The following DYM variants were observed in gnomAD, a reference collection of about 807,000 sequenced individuals.
The protein encoded by DYM is dyggve-Melchior-Clausen syndrome protein.
Under a neutral mutation model 93.1 loss-of-function variants are expected in DYM, and 78 were observed. The observed-to-expected ratio is 0.84, with a 90% CI of 0.70 to 1.01. The LOEUF (loss-of-function observed/expected upper bound fraction) is 1.01. DYM is among the 50% of genes least tolerant of loss of function. The pLI, the probability that DYM is intolerant of heterozygous loss-of-function variation, is 0.00. For synonymous variants in DYM, 321 were observed against 319.7 expected (o/e 1.00, Z -0.04); for missense variants, 789 against 845.0 (o/e 0.93, Z 0.82).
intron 15 of DYM, among the ~76,000 whole-genome samples, chr18:49,148,357 A>T (rs998513992): frequency 1.4e-5 from 2 of 142,236 alleles, no homozygotes; most frequent in South Asian, 2.2e-4. Context: ...AAAAAAGAAC[A>T]AAAAAAAAAA....
At chr18:49,446,964 C>G (rs2082142718) in intron 1 of DYM, among the ~76,000 whole-genome samples, 1 of 150,854 alleles carries the variant, frequency 6.6e-6, no homozygotes, top group Admixed American at 6.6e-5. Context: ...GAGGCTGAGA[C>G]AGGAGAATCA....
chr18:49,187,607 G>T lies in DYM; in HGVS notation c.1625+21944C>A, dbSNP rs185262479. On this transcript the variant is annotated intron_variant, in intron 14 of 17. Coordinates refer to ENST00000675505, the MANE Select transcript of DYM (RefSeq NM_001353214.3). ...CAAAGCTGAAATAGGACATCAGAAA[G>T]ATATTTTTAATGGGATGATAATATA... Among the ~76,000 whole-genome samples, 17 of 152,214 alleles carry T rather than the reference G, an allele frequency of 1.1e-4. 1 individual carries two copies. In the East Asian group the frequency reaches 2.3e-3, roughly 21 times the overall value.
At chr18:49,266,953 G>A (rs569893634) in intron 11 of DYM, among the ~76,000 whole-genome samples, 3 of 151,940 alleles carry the variant, frequency 2.0e-5, no homozygotes, top group East Asian at 1.9e-4. Context: ...CTTAAGAAAC[G>A]TTGGGGAAAA....
chr18:49,184,479 G>A (rs929997092), intron 14 of DYM, among the ~76,000 whole-genome samples: 2 of 152,142 alleles, frequency 1.3e-5, no homozygotes, highest in Non-Finnish European at 2.9e-5. Flanking sequence ...AGAGTTCAGA[G>A]ATACTGCAGC....
chr18:49,379,818 T>C (rs1209709859), intron 3 of DYM, 60 bp from the exon 4 acceptor site: 4 of 1,333,980 alleles, frequency 3.0e-6, no homozygotes, highest in African/African-American at 1.4e-5. Flanking sequence ...AAAGTGAGCT[T>C]ATCATAACAT....
intron 6 of DYM, among the ~76,000 whole-genome samples, chr18:49,360,784 C>A (rs2065952464): frequency 6.6e-6 from 1 of 152,162 alleles, no homozygotes. Flanking sequence ...GTGGCCTAAG[C>A]AAGATAGGTA....
intron 13 of DYM, among the ~76,000 whole-genome samples, chr18:49,216,184 C>T (rs1019166561): frequency 1.3e-5 from 2 of 152,194 alleles, no homozygotes; most frequent in African/African-American, 4.8e-5. Context: ...TGCAAGGTGG[C>T]AGCGAGGCTG....
intron 3 of DYM, among the ~76,000 whole-genome samples, chr18:49,389,748 T>C (rs2069010281): frequency 1.3e-5 from 2 of 152,256 alleles, no homozygotes; most frequent in South Asian, 4.1e-4. Flanking sequence ...AAGCTGGTCT[T>C]GAACTCTGAC....
At chr18:49,420,478 G>A (rs780220957) in intron 2 of DYM, among the ~76,000 whole-genome samples, 16 of 151,922 alleles carry the variant, frequency 1.1e-4, no homozygotes, top group Non-Finnish European at 2.2e-4. Flanking sequence ...TTAAACTAAG[G>A]TAAACTTCTA....
chr18:49,164,403 C>T (rs1248577043), intron 14 of DYM, among the ~76,000 whole-genome samples: 1 of 152,070 alleles, frequency 6.6e-6, no homozygotes, highest in Non-Finnish European at 1.5e-5. Context: ...GGATTATAAT[C>T]CCTAACAAAA....
chr18:49,070,649 T>G (rs2076811607), intron 17 of DYM, among the ~76,000 whole-genome samples: 1 of 152,218 alleles, frequency 6.6e-6, no homozygotes, highest in African/African-American at 2.4e-5. Flanking sequence ...TGAATGCTAC[T>G]TTAGAAACTG....
intron 17 of DYM, among the ~76,000 whole-genome samples, chr18:49,058,865 T>A (rs357900): frequency 0.71 from 108,438 of 151,948 alleles, 42,436 homozygotes; most frequent in Non-Finnish European, 0.88. Context: ...CCTTTTTTTT[T>A]AAATCAAAAT....
At chr18:49,326,319 G>T (rs1455952354) in intron 8 of DYM, among the ~76,000 whole-genome samples, 1 of 151,924 alleles carries the variant, frequency 6.6e-6, no homozygotes, top group African/African-American at 2.4e-5. Context: ...AAACTAAACA[G>T]AAAGGAAACA....
chr18:49,246,282 C>T (rs1297956614), intron 13 of DYM, among the ~76,000 whole-genome samples: 12 of 152,186 alleles, frequency 7.9e-5, no homozygotes, highest in Non-Finnish European at 1.5e-4. Context: ...GACACGTGAG[C>T]CACTTTAAAT....
In DYM at chr18:49,103,503, ATGG is replaced by A. The variant is rs1277405673; in HGVS notation, c.1912-5991_1912-5989del. ...GTCCTTGCCTATGTCTATGTCCTGAATGGTATTGCCTAGGTTTTCTTCTAGGGT... is the reference window on the plus strand; with the variant it reads ...GTCCTTGCCTATGTCTATGTCCTGAATATTGCCTAGGTTTTCTTCTAGGGT... On this transcript the variant is annotated intron_variant, in intron 16 of 17. Transcript: ENST00000675505. Among the ~76,000 whole-genome samples the A allele has an allele frequency of 2.3e-4, 35 of 152,216 alleles. No individual in the cohort carries two copies. In the Middle Eastern group the frequency reaches 0.01, roughly 44 times the overall value.
chr18:49,449,105 A>G (rs1235615161), intron 1 of DYM, among the ~76,000 whole-genome samples: 1 of 152,152 alleles, frequency 6.6e-6, no homozygotes, highest in African/African-American at 2.4e-5. Context: ...GAAATGCCCA[A>G]TGGAGGTGAT....
intron 13 of DYM, among the ~76,000 whole-genome samples, chr18:49,231,751 CT>C (rs906114762): frequency 2.6e-5 from 4 of 152,170 alleles, no homozygotes; most frequent in African/African-American, 7.2e-5. Flanking sequence ...AAATAAACAG[CT>C]GTTACAATGC....
At chr18:49,130,406 C>T (rs1374022716) in intron 15 of DYM, among the ~76,000 whole-genome samples, 2 of 152,116 alleles carry the variant, frequency 1.3e-5, no homozygotes, top group Non-Finnish European at 2.9e-5. Context: ...TGCTTTTAAC[C>T]TCGGATTCGA....
chr18:49,359,297 C>T (rs1039371452), intron 6 of DYM, among the ~76,000 whole-genome samples: 4 of 152,026 alleles, frequency 2.6e-5, no homozygotes, highest in African/African-American at 4.8e-5. Flanking sequence ...ATGTCAAGCC[C>T]GTGCATAACT....
Sources: allele counts gnomAD v4.1 joint callset (sites outside exome capture counted in the v4.1 genomes callset), GRCh38; gene constraint gnomAD v4.1.1; transcripts MANE v1.5; gene names NCBI Gene and HGNC (gene_info 2026-07-23, HGNC 2026-07-21).